Variants in PACRG observed in about 807,000 individuals in gnomAD.
PACRG encodes the protein parkin coregulated.
Under a neutral mutation model 29.7 loss-of-function variants are expected in PACRG, and 29 were observed. That is an observed-to-expected ratio of 0.98 (90% CI 0.73 to 1.33). PACRG has a LOEUF of 1.33. Among genes scored for constraint, PACRG ranks in the 40% most tolerant of loss-of-function variants. The pLI is 0.00. For missense variants in PACRG, 279 were observed against 316.2 expected (o/e 0.88, Z 0.89); for synonymous variants, 116 against 118.7 (o/e 0.98, Z 0.15).
At chr6:162,990,366 T>C (rs1803341097) in intron 2 of PACRG, among the ~76,000 whole-genome samples, 1 of 151,298 alleles carries the variant, frequency 6.6e-6, no homozygotes. Context: ...AGTGTAAAAG[T>C]GTTCCTATTT....
intron 4 of PACRG, among the ~76,000 whole-genome samples, chr6:163,262,898 A>G (rs947175604): frequency 2.8e-5 from 4 of 141,906 alleles, no homozygotes; most frequent in African/African-American, 5.1e-5. Context: ...AAAATTTAAA[A>G]AATTAGCCCA....
chr6:163,192,379 A>G (rs1039114911), intron 4 of PACRG, among the ~76,000 whole-genome samples: 1 of 152,260 alleles, frequency 6.6e-6, no homozygotes, highest in Non-Finnish European at 1.5e-5. Context: ...CACAGTATCC[A>G]TTGTTTAGAA....
At chr6:162,843,036 C>T (rs1271258123) in intron 2 of PACRG, among the ~76,000 whole-genome samples, 2 of 145,580 alleles carry the variant, frequency 1.4e-5, no homozygotes, top group African/African-American at 5.2e-5. Flanking sequence ...AACATTTTTT[C>T]CTTCATTTCA....
intron 1 of PACRG, among the ~76,000 whole-genome samples, chr6:162,788,697 G>T (rs947080714): frequency 1.3e-5 from 2 of 152,046 alleles, no homozygotes; most frequent in Non-Finnish European, 2.9e-5. Context: ...TCTGAATTTT[G>T]GCTATTTTAA....
At chr6:163,106,890 A>G (rs1320499520) in intron 4 of PACRG, among the ~76,000 whole-genome samples, 2 of 152,246 alleles carry the variant, frequency 1.3e-5, no homozygotes, top group African/African-American at 4.8e-5. Context: ...TTTAGAAAGA[A>G]GAATTTACAA....
At chr6:162,737,934 G>A (rs1780290309) in intron 1 of PACRG, among the ~76,000 whole-genome samples, 1 of 151,860 alleles carries the variant, frequency 6.6e-6, no homozygotes, top group Non-Finnish European at 1.5e-5. Flanking sequence ...TGAATTGCAT[G>A]TATTTTATTT....
At chr6:163,105,489 G>T (rs1815332115) in intron 4 of PACRG, among the ~76,000 whole-genome samples, 1 of 151,958 alleles carries the variant, frequency 6.6e-6, no homozygotes, top group Non-Finnish European at 1.5e-5. Flanking sequence ...AGCTGCAAAG[G>T]TTTAATTTGC....
chr6:162,783,545 AT>A (rs1784246428), intron 1 of PACRG, among the ~76,000 whole-genome samples: 1 of 151,910 alleles, frequency 6.6e-6, no homozygotes, highest in South Asian at 2.1e-4. Flanking sequence ...TTACATTATA[AT>A]TTTTTAGTGA....
rs377352285 is a variant in PACRG at position 162,747,474 on chromosome 6, C to CTATATATATATATATA, written c.156+19087_156+19102dup. ...TATAACTATAAATATATATGTAAAACTATATATATATATATATATTCCATT... is the reference window on the plus strand; with the variant it reads ...TATAACTATAAATATATATGTAAAACTATATATATATATATATATATATATATATATATATTCCATT... On this transcript the variant is annotated intron_variant, in intron 1 of 4. Transcript: ENST00000366888. 8.5e-3 allele frequency among the ~76,000 whole-genome samples: 379 copies of CTATATATATATATATA among 44,752 alleles called. 36 individuals carry two copies. The highest frequency in any genetic ancestry group is 0.017 in the Middle Eastern group (1 of 58). The allele number at this position is 44,752 out of a possible 152,430, so 29.4% of individuals were successfully genotyped here.
intron 1 of PACRG, among the ~76,000 whole-genome samples, chr6:162,754,218 A>G (rs181026685): frequency 3.9e-5 from 6 of 152,174 alleles, no homozygotes; most frequent in Non-Finnish European, 7.4e-5. Flanking sequence ...TTTAATATGC[A>G]TTTTCCAAAT....
intron 2 of PACRG, among the ~76,000 whole-genome samples, chr6:162,859,484 C>T (rs980423711): frequency 3.9e-5 from 6 of 152,096 alleles, no homozygotes; most frequent in Non-Finnish European, 7.3e-5. Flanking sequence ...GTTCAGAACA[C>T]GCTACCCCAA....
At chr6:162,842,762 T>A (rs1029942788) in intron 2 of PACRG, among the ~76,000 whole-genome samples, 4 of 131,374 alleles carry the variant, frequency 3.0e-5, no homozygotes, top group Non-Finnish European at 6.2e-5. Context: ...GTTTAGTGCT[T>A]CCTTCAGGAG....
At chr6:162,884,309 C>CA (rs1302104265) in intron 2 of PACRG, among the ~76,000 whole-genome samples, 3 of 152,018 alleles carry the variant, frequency 2.0e-5, no homozygotes, top group Non-Finnish European at 4.4e-5. Context: ...CAAACTGTAA[C>CA]AAATCACCAA....
intron 2 of PACRG, among the ~76,000 whole-genome samples, chr6:162,921,209 G>A (rs1797038676): frequency 6.6e-6 from 1 of 152,182 alleles, no homozygotes; most frequent in Non-Finnish European, 1.5e-5. Context: ...GTAGACCCAG[G>A]AGAGACAGAG....
rs964959762 is a variant in PACRG at position 162,777,279 on chromosome 6, T to G, written c.157-36868T>G. On this transcript the variant is annotated intron_variant, in intron 1 of 4. Coordinates refer to ENST00000366888, the MANE Select transcript of PACRG (RefSeq NM_001080379.2). The surrounding 1 kb of genome is among the most constrained non-coding windows in gnomAD (Gnocchi z 4.0). ...ACTTCGGGACATGCAGTTGGCCATG[T>G]GCTCACAGGCCTCTGCTGTGTTCCC... 6.6e-6 allele frequency among the ~76,000 whole-genome samples: 1 copy of G among 152,230 alleles called. No individual in the cohort carries two copies. The highest frequency in any genetic ancestry group is 1.5e-5 in the Non-Finnish European group (1 of 68,034).
intron 1 of PACRG, among the ~76,000 whole-genome samples, chr6:162,769,489 T>C (rs1415999623): frequency 6.6e-6 from 1 of 152,124 alleles, no homozygotes; most frequent in Non-Finnish European, 1.5e-5. Context: ...GTCTTAGGCA[T>C]AGGGCTCAGC....
chr6:162,876,006 A>G (rs1793314132), intron 2 of PACRG, among the ~76,000 whole-genome samples: 1 of 152,202 alleles, frequency 6.6e-6, no homozygotes, highest in Non-Finnish European at 1.5e-5. Flanking sequence ...TTCCCTAGAT[A>G]GAGCCGAAGA....
At chr6:162,824,686 G>A (rs1562635581) in intron 2 of PACRG, among the ~76,000 whole-genome samples, 1 of 152,158 alleles carries the variant, frequency 6.6e-6, no homozygotes, top group African/African-American at 2.4e-5. Context: ...ACAGGCTACA[G>A]TGACTTGTCT....
intron 2 of PACRG, among the ~76,000 whole-genome samples, chr6:162,903,030 A>G (rs537262554): frequency 3.3e-5 from 5 of 152,312 alleles, no homozygotes; most frequent in Admixed American, 1.3e-4. Flanking sequence ...AGATTGAACT[A>G]TGTCTGGGTT....
Sources: allele counts gnomAD v4.1 joint callset (sites outside exome capture counted in the v4.1 genomes callset), GRCh38; gene constraint gnomAD v4.1.1; non-coding constraint Gnocchi (gnomAD v3.1); transcripts MANE v1.5; gene names NCBI Gene and HGNC (gene_info 2026-07-23, HGNC 2026-07-21).